KCTD16: variants seen among roughly 807,000 people sequenced by gnomAD.
KCTD16 encodes the protein potassium channel tetramerization domain containing 16.
Under a neutral mutation model 33.2 loss-of-function variants are expected in KCTD16, and 13 were observed. The ratio of observed to expected loss-of-function variants is 0.39; its 90% CI spans 0.25 to 0.62. The LOEUF is 0.62. KCTD16 is among the 20% of genes least tolerant of loss of function. The probability of loss-of-function intolerance (pLI) is 0.50; values close to 1 mark genes in which losing one functional copy is unlikely to be tolerated. For synonymous variants in KCTD16, 197 were observed against 195.3 expected, an observed-to-expected ratio of 1.01 and a Z score of -0.07; for missense variants, 441 against 525.1, an observed-to-expected ratio of 0.84 and a Z score of 1.57.
At chr5:144,353,875 AT>A (rs147619130) in intron 3 of KCTD16, among the ~76,000 whole-genome samples, 12,642 of 151,446 alleles carry the variant, frequency 0.083, 1,257 homozygotes, top group African/African-American at 0.24. Flanking sequence ...CTGGTGTTTT[AT>A]TTTTTTTTAA....
At chr5:144,337,268 G>A (rs1055517124) in intron 3 of KCTD16, among the ~76,000 whole-genome samples, 2 of 151,954 alleles carry the variant, frequency 1.3e-5, no homozygotes, top group African/African-American at 2.4e-5. Context: ...TGGGGGAAAA[G>A]GATATGAAAA....
chr5:144,444,682 G>A (rs1753782202), intron 3 of KCTD16, among the ~76,000 whole-genome samples: 1 of 151,812 alleles, frequency 6.6e-6, no homozygotes, highest in South Asian at 2.1e-4. Flanking sequence ...CTGGCATAAA[G>A]TCTTACTATC....
chr5:144,397,308 T>C (rs1486492559), intron 3 of KCTD16, among the ~76,000 whole-genome samples: 4 of 152,160 alleles, frequency 2.6e-5, no homozygotes, highest in Non-Finnish European at 4.4e-5. Flanking sequence ...CACATTTTCT[T>C]AATCCAGTCT....
intron 3 of KCTD16, among the ~76,000 whole-genome samples, chr5:144,229,075 A>T (rs1251112760): frequency 6.6e-6 from 1 of 152,226 alleles, no homozygotes; most frequent in Non-Finnish European, 1.5e-5. Flanking sequence ...AAGTGAGATC[A>T]TTCCACATGG....
chr5:144,285,057 C>G (rs1755708124), intron 3 of KCTD16, among the ~76,000 whole-genome samples: 1 of 152,184 alleles, frequency 6.6e-6, no homozygotes, highest in African/African-American at 2.4e-5. Context: ...AGTCCCTACA[C>G]ATCAGAGAAG....
At chr5:144,248,797 G>A (rs1275111898) in intron 3 of KCTD16, among the ~76,000 whole-genome samples, 1 of 152,104 alleles carries the variant, frequency 6.6e-6, no homozygotes, top group Non-Finnish European at 1.5e-5. Flanking sequence ...TCTGAAAGAG[G>A]GAAGGCTGTG....
intron 3 of KCTD16, among the ~76,000 whole-genome samples, chr5:144,254,555 C>A (rs1350169565): frequency 1.3e-5 from 2 of 152,228 alleles, no homozygotes; most frequent in East Asian, 3.9e-4. Context: ...GCCCTCTTAA[C>A]AAATTTTAAG....
chr5:144,399,192 T>G (rs1471541638), intron 3 of KCTD16, among the ~76,000 whole-genome samples: 1 of 152,204 alleles, frequency 6.6e-6, no homozygotes, highest in African/African-American at 2.4e-5. Flanking sequence ...GGCACAGATG[T>G]ATTATCTTAT....
At chr5:144,253,420 CT>C (rs1754756398) in intron 3 of KCTD16, among the ~76,000 whole-genome samples, 1 of 152,114 alleles carries the variant, frequency 6.6e-6, no homozygotes, top group African/African-American at 2.4e-5. Context: ...TTCCTGTGTT[CT>C]TGTATCTTCA....
intron 3 of KCTD16, among the ~76,000 whole-genome samples, chr5:144,419,630 A>G (rs1369952469): frequency 6.6e-6 from 1 of 152,150 alleles, no homozygotes. Flanking sequence ...ATGAAGAGGG[A>G]ATAATCCACT....
chr5:144,367,689 TA>T (rs1448873864), intron 3 of KCTD16, among the ~76,000 whole-genome samples: 11 of 151,764 alleles, frequency 7.2e-5, no homozygotes, highest in Admixed American at 2.0e-4. Context: ...TTCTTTCATT[TA>T]TTTTTTTTTT....
intron 3 of KCTD16, among the ~76,000 whole-genome samples, chr5:144,344,453 C>T (rs1366544391): frequency 4.0e-5 from 6 of 149,818 alleles, no homozygotes; most frequent in South Asian, 2.1e-4. Flanking sequence ...GCAACCTACT[C>T]ATCTGACAAA....
intron 2 of KCTD16, among the ~76,000 whole-genome samples, chr5:144,204,719 T>C (rs1753120814): frequency 6.6e-6 from 1 of 152,146 alleles, no homozygotes; most frequent in Admixed American, 6.5e-5. Context: ...ACGTCTTCAT[T>C]TTGAAAGAGC....
intron 3 of KCTD16, among the ~76,000 whole-genome samples, chr5:144,462,538 T>G (rs1754221732): frequency 6.7e-6 from 1 of 150,278 alleles, no homozygotes; most frequent in Non-Finnish European, 1.5e-5. Flanking sequence ...GCTATTATTT[T>G]TTTTTTTGAA....
intron 3 of KCTD16, among the ~76,000 whole-genome samples, chr5:144,326,295 G>C (rs974460103): frequency 6.6e-6 from 1 of 152,156 alleles, no homozygotes; most frequent in Non-Finnish European, 1.5e-5. Context: ...AATTGACTGA[G>C]AGGGTAATAG....
At chr5:144,299,345 C>A (rs1418761756) in intron 3 of KCTD16, among the ~76,000 whole-genome samples, 1 of 151,174 alleles carries the variant, frequency 6.6e-6, no homozygotes, top group African/African-American at 2.4e-5. Flanking sequence ...GAAAGCATTT[C>A]TCTATCAGAA....
intron 3 of KCTD16, among the ~76,000 whole-genome samples, chr5:144,283,999 C>T (rs951133827): frequency 6.6e-6 from 1 of 152,176 alleles, no homozygotes; most frequent in Non-Finnish European, 1.5e-5. Context: ...AGCCAGGAAC[C>T]TGTCTTCCTC....
chr5:144,171,758 C>T (rs1752389423), intron 1 of KCTD16, among the ~76,000 whole-genome samples: 1 of 152,150 alleles, frequency 6.6e-6, no homozygotes, highest in African/African-American at 2.4e-5. Context: ...GCTGGAATAA[C>T]AGGAAGGGGC....
intron 2 of KCTD16, among the ~76,000 whole-genome samples, chr5:144,186,952 A>G (rs1390866924): frequency 2.0e-5 from 3 of 152,200 alleles, no homozygotes; most frequent in African/African-American, 7.2e-5. Flanking sequence ...ATAATGAACA[A>G]AAATAATAAT....
Sources: allele counts gnomAD v4.1 joint callset (sites outside exome capture counted in the v4.1 genomes callset), GRCh38; gene constraint gnomAD v4.1.1; transcripts MANE v1.5; gene names NCBI Gene and HGNC (gene_info 2026-07-23, HGNC 2026-07-21).